UTRN: variants seen among roughly 807,000 people sequenced by gnomAD.
UTRN encodes utrophin.
A neutral mutation model predicts 463.9 loss-of-function variants in UTRN; 283 were observed. That is an observed-to-expected ratio of 0.61 (90% CI 0.55 to 0.67). The LOEUF (loss-of-function observed/expected upper bound fraction) is 0.67. UTRN is among the 30% of genes least tolerant of loss of function. The pLI, the probability that UTRN is intolerant of heterozygous loss-of-function variation, is 0.00. For synonymous variants in UTRN, 1,442 were observed against 1,431.5 expected (o/e 1.01, Z -0.17); for missense variants, 3,922 against 4,084.3 (o/e 0.96, Z 1.08).
chr6:144,843,782 G>A (rs1052557193), intron 73 of UTRN, among the ~76,000 whole-genome samples: 3 of 152,150 alleles, frequency 2.0e-5, no homozygotes, highest in Non-Finnish European at 2.9e-5. Context: ...CTACTGAAAT[G>A]CAATGATTTC....
At chr6:144,679,016 G>T (rs2128683914) in intron 52 of UTRN, among the ~76,000 whole-genome samples, 1 of 152,252 alleles carries the variant, frequency 6.6e-6, no homozygotes, top group East Asian at 1.9e-4. Context: ...TTGGGGCTAA[G>T]AAGTGCCAAG....
Position 144,793,856 on chromosome 6 carries a change from G to A in UTRN, c.8943G>A (p.Gly2981=). 1 of 1,613,984 alleles carries A rather than the reference G, an allele frequency of 6.2e-7. No homozygotes were observed. Among genetic ancestry groups the A allele is most frequent in the Non-Finnish European group, 8.5e-7 (1 of 1,179,932 alleles). The change falls in exon 63 of 75, where the codon GGG becomes GGA. Residue 2981 remains glycine (G), a synonymous_variant. Coordinates refer to ENST00000367545, the MANE Select transcript of UTRN (RefSeq NM_007124.3). ...KYRYLFKEVA[G]PTEMCDQRQL... is the part of the protein sequence containing the mutation. ...CAGATCTCTTTAAGGAAGTTGCAGG[G>A]CCAACAGAAATGTGTGACCAGAGGC... is the stretch of plus-strand genomic sequence containing the variant.
At chr6:144,554,488 T>C (rs1024946688) in intron 48 of UTRN, among the ~76,000 whole-genome samples, 200 bp from the exon 49 acceptor site, 2 of 152,232 alleles carry the variant, frequency 1.3e-5, no homozygotes, top group African/African-American at 4.8e-5. Context: ...TTCAAGATTT[T>C]TTTTTCTCAA....
intron 2 of UTRN, among the ~76,000 whole-genome samples, chr6:144,375,276 C>G (rs1292401872): frequency 6.6e-6 from 1 of 152,120 alleles, no homozygotes; most frequent in Non-Finnish European, 1.5e-5. Context: ...GAACTATTAA[C>G]AGATGAGACT....
intron 52 of UTRN, among the ~76,000 whole-genome samples, chr6:144,682,083 C>G (rs540980473): frequency 6.6e-6 from 1 of 152,122 alleles, no homozygotes; most frequent in South Asian, 2.1e-4. Flanking sequence ...GGATCTTATT[C>G]ATTCTTTCTA....
chr6:144,821,035 T>C lies in UTRN; in HGVS notation c.9494+17T>C, dbSNP rs1779554178. 1 of 1,611,482 alleles carries C rather than the reference T, an allele frequency of 6.2e-7. No homozygotes were observed. Among genetic ancestry groups the C allele is most frequent in the Admixed American group, 1.7e-5 (1 of 59,548 alleles). ...CTTAGAGACGTAAGTTTGATTTTAA[T>C]ATTAAATCTAGTGTGAACATTTATA... On this transcript the variant is annotated intron_variant, in intron 66 of 74. Coordinates refer to ENST00000367545, the MANE Select transcript of UTRN (RefSeq NM_007124.3).
chr6:144,307,987 A>G (rs985329809), intron 2 of UTRN, among the ~76,000 whole-genome samples: 1 of 152,022 alleles, frequency 6.6e-6, no homozygotes, highest in Non-Finnish European at 1.5e-5. Context: ...CTCTCCTACT[A>G]CAGGAGAGAG....
rs190414006 is a variant in UTRN at position 144,615,339 on chromosome 6, C to G, written c.7479+38051C>G. Among the ~76,000 whole-genome samples, 173 of 152,214 alleles carry G rather than the reference C, an allele frequency of 1.1e-3. 1 individual carries two copies. The highest frequency in any genetic ancestry group is 6.3e-4 in the Non-Finnish European group (43 of 68,000). On this transcript the variant is annotated intron_variant, in intron 51 of 74. Coordinates refer to ENST00000367545, the MANE Select transcript of UTRN (RefSeq NM_007124.3). ...TGGACATGATCTTTTAATTCTGAGC[C>G]TTCATAAATATGATTTCCTCTGTCT...
At chr6:144,829,145 A>G (rs1189895898) in intron 69 of UTRN, among the ~76,000 whole-genome samples, 1 of 152,170 alleles carries the variant, frequency 6.6e-6, no homozygotes, top group African/African-American at 2.4e-5. Flanking sequence ...GTATATATTC[A>G]TTCCATTTGT....
intron 45 of UTRN, among the ~76,000 whole-genome samples, chr6:144,541,862 G>A (rs2876586): frequency 0.52 from 78,386 of 152,036 alleles, 21,761 homozygotes; most frequent in East Asian, 0.85. Flanking sequence ...AGTATTGGTC[G>A]GGTGAAGAAT....
intron 3 of UTRN, among the ~76,000 whole-genome samples, chr6:144,406,346 T>C (rs1265574379): frequency 7.6e-6 from 1 of 130,856 alleles, no homozygotes; most frequent in African/African-American, 2.7e-5. Flanking sequence ...CTTTCCTTTT[T>C]TTTTCTTTTC....
At chr6:144,480,075 A>G (rs1791687161) in intron 26 of UTRN, 93 bp downstream of exon 26, 2 of 1,396,772 alleles carry the variant, frequency 1.4e-6, no homozygotes, top group Non-Finnish European at 1.9e-6. Flanking sequence ...GTCAAACACT[A>G]TGTGCATGTA....
At chr6:144,660,532 C>T (rs1296111545) in intron 51 of UTRN, among the ~76,000 whole-genome samples, 1 of 151,364 alleles carries the variant, frequency 6.6e-6, no homozygotes, top group African/African-American at 2.4e-5. Flanking sequence ...TCTTTGTACT[C>T]AAGTCAGCTG....
chr6:144,453,512 A>G (rs935470312), intron 18 of UTRN, among the ~76,000 whole-genome samples: 2 of 152,190 alleles, frequency 1.3e-5, no homozygotes, highest in African/African-American at 4.8e-5. Flanking sequence ...TTTTTATGGC[A>G]TGGCGTACTC....
chr6:144,584,859 G>T (rs1802307178), intron 51 of UTRN, among the ~76,000 whole-genome samples: 1 of 152,022 alleles, frequency 6.6e-6, no homozygotes, highest in Non-Finnish European at 1.5e-5. Flanking sequence ...CTACTTCAGT[G>T]GATAAGTTTA....
intron 3 of UTRN, among the ~76,000 whole-genome samples, chr6:144,410,908 C>G (rs1783842775): frequency 6.6e-6 from 1 of 152,116 alleles, no homozygotes; most frequent in South Asian, 2.1e-4. Flanking sequence ...AATTGTGCTG[C>G]TATAAACATG....
intron 47 of UTRN, 42 bp downstream of exon 47, chr6:144,548,896 C>T (rs774554350): frequency 9.4e-5 from 149 of 1,592,770 alleles, no homozygotes; most frequent in Non-Finnish European, 1.2e-4. Context: ...AACGCCACAA[C>T]CCAGAGGTAG....
chr6:144,702,367 A>G (rs756037885), intron 53 of UTRN, among the ~76,000 whole-genome samples: 1 of 152,210 alleles, frequency 6.6e-6, no homozygotes, highest in Non-Finnish European at 1.5e-5. Context: ...TTAGGTAATG[A>G]AGATAATACT....
chr6:144,838,022 T>G (rs914225545), intron 71 of UTRN, among the ~76,000 whole-genome samples: 2 of 152,216 alleles, frequency 1.3e-5, no homozygotes, highest in Non-Finnish European at 2.9e-5. Flanking sequence ...TTCCAAATGG[T>G]GCTGTGTAAG....
Sources: allele counts gnomAD v4.1 joint callset (sites outside exome capture counted in the v4.1 genomes callset), GRCh38; gene constraint gnomAD v4.1.1; transcripts MANE v1.5; gene names NCBI Gene and HGNC (gene_info 2026-07-23, HGNC 2026-07-21).